ANKS1B: variants seen among roughly 807,000 people sequenced by gnomAD.
ANKS1B encodes ankyrin repeat and sterile alpha motif domain containing 1B.
Under a neutral mutation model 148.3 loss-of-function variants are expected in ANKS1B, and 36 were observed. That is an observed-to-expected ratio of 0.24 (90% CI 0.19 to 0.32). The LOEUF (loss-of-function observed/expected upper bound fraction) is 0.32, where lower values mean the gene tolerates loss of function less well. ANKS1B is among the 10% of genes least tolerant of loss of function. The pLI is 1.00. For missense variants in ANKS1B, 1,157 were observed against 1,542.6 expected, an observed-to-expected ratio of 0.75 and a Z score of 4.19; for synonymous variants, 542 against 560.8, an observed-to-expected ratio of 0.97 and a Z score of 0.47.
Position 99,170,716 on chromosome 12 carries a change from G to A in ANKS1B, c.2420-16321C>T, listed in dbSNP as rs149924709. Reference sequence around the variant, plus strand: ...AAATAACAGGAAAGCTAATTGTACCGTGAAGTGATCAGAATTCCCACACCC... The same window carrying A: ...AAATAACAGGAAAGCTAATTGTACCATGAAGTGATCAGAATTCCCACACCC... On this transcript the variant is annotated intron_variant, in intron 14 of 26. Coordinates refer to ENST00000683438, the MANE Select transcript of ANKS1B (RefSeq NM_001352186.2). Among the ~76,000 whole-genome samples, 140 of 152,178 alleles carry A rather than the reference G, an allele frequency of 9.2e-4. 1 individual carries two copies. The highest frequency in any genetic ancestry group is 1.6e-3 in the Non-Finnish European group (112 of 68,004).
rs141716476 is a variant in ANKS1B, at chr12:99,924,285, G to T, written c.134+59819C>A. On this transcript the variant is annotated intron_variant, in intron 1 of 26. Coordinates refer to ENST00000683438, the MANE Select transcript of ANKS1B (RefSeq NM_001352186.2). ...ATGCATGTCAGAAGCACTGCTTGGTGTATTACAGATTAATTTATTATTCAA... is the reference window on the plus strand; with the variant it reads ...ATGCATGTCAGAAGCACTGCTTGGTTTATTACAGATTAATTTATTATTCAA... 7.9e-5 allele frequency among the ~76,000 whole-genome samples: 12 copies of T among 151,964 alleles called. No individual in the cohort carries two copies. In the South Asian group the frequency reaches 2.5e-3, roughly 32 times the overall value.
intron 2 of ANKS1B, among the ~76,000 whole-genome samples, chr12:99,824,127 G>A (rs947608933): frequency 6.6e-6 from 1 of 152,058 alleles, no homozygotes; most frequent in Non-Finnish European, 1.5e-5. Context: ...CTAGTTCTGT[G>A]AAAAATGACA....
chr12:99,026,205 T>C (rs1054560432), intron 17 of ANKS1B, among the ~76,000 whole-genome samples: 1 of 152,200 alleles, frequency 6.6e-6, no homozygotes, highest in Non-Finnish European at 1.5e-5. Context: ...TGGAGCTTTC[T>C]AGACCAATAG....
chr12:99,875,909 G>C (rs12813133), intron 1 of ANKS1B, among the ~76,000 whole-genome samples: 1 of 152,044 alleles, frequency 6.6e-6, no homozygotes, highest in African/African-American at 2.4e-5. Context: ...ATAAGGGCTA[G>C]GAAGTATCAA....
In ANKS1B at chr12:98,757,333, C is replaced by G. The variant is rs184876111; in HGVS notation, c.3580-5811G>C. Among the ~76,000 whole-genome samples the G allele has an allele frequency of 2.6e-5, 4 of 152,344 alleles. No individual in the cohort carries two copies. In the East Asian group the frequency reaches 5.8e-4, roughly 22 times the overall value. On this transcript the variant is annotated intron_variant, in intron 25 of 26. Coordinates refer to ENST00000683438, the MANE Select transcript of ANKS1B (RefSeq NM_001352186.2). Reference sequence around the variant, plus strand: ...CCCAGATGTTGTTGAGCAGGACTGCCACGCCCAGCCCAGATCCCTGACTTA... The same window carrying G: ...CCCAGATGTTGTTGAGCAGGACTGCGACGCCCAGCCCAGATCCCTGACTTA...
intron 10 of ANKS1B, among the ~76,000 whole-genome samples, chr12:99,468,098 T>C (rs562423320): frequency 3.3e-5 from 5 of 151,934 alleles, no homozygotes; most frequent in East Asian, 1.9e-4. Flanking sequence ...GAGATATAGA[T>C]CAATGGAACA....
chr12:98,891,513 C>T (rs920730661), intron 17 of ANKS1B, among the ~76,000 whole-genome samples: 3 of 152,050 alleles, frequency 2.0e-5, no homozygotes, highest in Non-Finnish European at 4.4e-5. Context: ...TTAATTTTTG[C>T]ATAAAAATTA....
intron 12 of ANKS1B, among the ~76,000 whole-genome samples, chr12:99,384,785 A>G (rs901366442): frequency 9.9e-5 from 15 of 152,166 alleles, no homozygotes; most frequent in Admixed American, 8.5e-4. Context: ...TCCTATAACT[A>G]TGTTCATATT....
intron 17 of ANKS1B, among the ~76,000 whole-genome samples, chr12:98,887,617 A>AT (rs199963675): frequency 0.038 from 5,613 of 149,330 alleles, 247 homozygotes; most frequent in African/African-American, 0.11. Context: ...CAATAAAACC[A>AT]TTTTTTTTTT....
At chr12:98,743,308 GAACT>G (rs1401701111), downstream of ANKS1B, among the ~76,000 whole-genome samples, 1 of 152,192 alleles carries the variant, frequency 6.6e-6, no homozygotes, top group Non-Finnish European at 1.5e-5. Flanking sequence ...ACTTATTAAT[GAACT>G]AACTAGGGAT....
chr12:99,091,644 T>C (rs566679198), intron 15 of ANKS1B, among the ~76,000 whole-genome samples: 3 of 152,358 alleles, frequency 2.0e-5, no homozygotes, highest in African/African-American at 7.2e-5. Flanking sequence ...TGCATATATC[T>C]GTATAAATAT....
chr12:99,504,345 A>T (rs1338489514), intron 10 of ANKS1B, 131 bp downstream of exon 10: 3 of 929,300 alleles, frequency 3.2e-6, no homozygotes, highest in Non-Finnish European at 4.8e-6. Flanking sequence ...AAATGAAAAA[A>T]TAATTATTGG....
intron 1 of ANKS1B, among the ~76,000 whole-genome samples, chr12:99,933,623 T>C (rs1392836523): frequency 6.6e-6 from 1 of 152,180 alleles, no homozygotes; most frequent in Non-Finnish European, 1.5e-5. Context: ...TGTTTATCAG[T>C]TCTAATAGTT....
intron 9 of ANKS1B, among the ~76,000 whole-genome samples, chr12:99,567,927 G>A (rs1017355538): frequency 1.3e-5 from 2 of 152,174 alleles, no homozygotes; most frequent in Non-Finnish European, 2.9e-5. Flanking sequence ...ACATGAGTCA[G>A]CTCCCCTGCC....
intron 1 of ANKS1B, among the ~76,000 whole-genome samples, chr12:99,943,527 C>T (rs1178416375): frequency 6.6e-6 from 1 of 152,106 alleles, no homozygotes; most frequent in Non-Finnish European, 1.5e-5. Context: ...GACTCACAAT[C>T]ATGGCAGAAG....
At chr12:98,794,392 CAAAAAAAAAAAAAA>C (rs571692746) in intron 22 of ANKS1B, 26 of 84,162 alleles carry the variant, frequency 3.1e-4, no homozygotes, top group East Asian at 1.1e-3. Context: ...AACTCTGTCT[CAAAAAAAAAAAAAA>C]AAAAAAAAAA....
intron 9 of ANKS1B, among the ~76,000 whole-genome samples, chr12:99,636,430 A>G (rs1007105078): frequency 5.3e-5 from 8 of 152,182 alleles, no homozygotes; most frequent in Non-Finnish European, 2.9e-5. Context: ...CACAGCCATG[A>G]GTTCCACAAT....
Position 99,909,393 on chromosome 12 carries a change from C to A in ANKS1B, c.134+74711G>T, listed in dbSNP as rs2093919584. The stretch of plus-strand genomic sequence containing the variant: ...TCTTGACAAGGTGCTGACTTCATTT[C>A]CGTTGGATACATACCCACAAGAGGG... On this transcript the variant is annotated intron_variant, in intron 1 of 26. Coordinates refer to ENST00000683438, the MANE Select transcript of ANKS1B (RefSeq NM_001352186.2). Among the ~76,000 whole-genome samples the A allele has an allele frequency of 3.9e-5, 6 of 152,232 alleles. 1 individual carries two copies. In the South Asian group the frequency reaches 1.2e-3, roughly 32 times the overall value.
chr12:99,576,236 C>A (rs1378867433), intron 9 of ANKS1B, among the ~76,000 whole-genome samples: 1 of 151,606 alleles, frequency 6.6e-6, no homozygotes, highest in African/African-American at 2.4e-5. Context: ...ACCAGAGAAC[C>A]CAGACTTATA....
Sources: allele counts gnomAD v4.1 joint callset (sites outside exome capture counted in the v4.1 genomes callset), GRCh38; gene constraint gnomAD v4.1.1; transcripts MANE v1.5; gene names NCBI Gene and HGNC (gene_info 2026-07-23, HGNC 2026-07-21).